Variants in EML6 observed in about 807,000 individuals in gnomAD.
EML6 encodes EMAP like 6.
EML6 carries 154 observed loss-of-function variants against 240.1 expected under a neutral mutation model. The ratio of observed to expected loss-of-function variants is 0.64; its 90% CI spans 0.56 to 0.73. EML6 has a LOEUF of 0.73. EML6 is among the 30% of genes least tolerant of loss of function. The probability of loss-of-function intolerance (pLI) is 0.00; values close to 1 mark genes in which losing one functional copy is unlikely to be tolerated. For synonymous variants in EML6, 1,148 were observed against 899.0 expected, an observed-to-expected ratio of 1.28 and a Z score of -4.95; for missense variants, 2,964 against 2,474.6, an observed-to-expected ratio of 1.20 and a Z score of -4.20.
intron 5 of EML6, among the ~76,000 whole-genome samples, chr2:54,826,787 A>T (rs995461508): frequency 2.6e-5 from 4 of 152,230 alleles, no homozygotes; most frequent in Non-Finnish European, 4.4e-5. Context: ...AATATAACTC[A>T]TATTTATGAA....
intron 17 of EML6, among the ~76,000 whole-genome samples, chr2:54,885,060 G>C (rs949943778): frequency 6.6e-6 from 1 of 152,150 alleles, no homozygotes; most frequent in African/African-American, 2.4e-5. Context: ...GGGAGGCTGA[G>C]GCATGAGACT....
At chr2:54,791,989 T>G (rs1669481464) in intron 2 of EML6, among the ~76,000 whole-genome samples, 2 of 152,242 alleles carry the variant, frequency 1.3e-5, no homozygotes, top group South Asian at 4.1e-4. Context: ...TTGTAGTGTT[T>G]ATTACAGCAA....
intron 35 of EML6, among the ~76,000 whole-genome samples, chr2:54,961,948 G>A (rs1573223889): frequency 6.6e-6 from 1 of 151,708 alleles, no homozygotes; most frequent in African/African-American, 2.4e-5. Context: ...AGGTTGCAGT[G>A]AGCCAAGATG....
In EML6 at chr2:54,793,552, C is replaced by T. The variant is rs969268754; in HGVS notation, c.198-19680C>T. On this transcript the variant is annotated intron_variant, in intron 2 of 41. Transcript: ENST00000356458. Reference sequence around the variant, plus strand: ...CTAAATCCTGTCGAACTTCCTCACACGCCCGCAACATAGGCAATTGTTTCA... The same window carrying T: ...CTAAATCCTGTCGAACTTCCTCACATGCCCGCAACATAGGCAATTGTTTCA... Among the ~76,000 whole-genome samples, 5 of 152,144 alleles carry T rather than the reference C, an allele frequency of 3.3e-5. No individual in the cohort carries two copies. The East Asian group carries it at 5.8e-4, about 18-fold the overall frequency.
chr2:54,921,892 G>A (rs139749068), intron 26 of EML6, among the ~76,000 whole-genome samples: 102 of 152,142 alleles, frequency 6.7e-4, no homozygotes, highest in Non-Finnish European at 1.2e-3. Flanking sequence ...GAATGAATTT[G>A]GACTTTATCT....
chr2:54,849,325 A>G (rs937777494), intron 9 of EML6, among the ~76,000 whole-genome samples: 2 of 152,220 alleles, frequency 1.3e-5, no homozygotes, highest in Admixed American at 6.5e-5. Context: ...ATTATAACCT[A>G]TAGTTACTCC....
intron 26 of EML6, among the ~76,000 whole-genome samples, chr2:54,925,479 C>T (rs957594244): frequency 3.3e-5 from 5 of 152,172 alleles, no homozygotes; most frequent in Admixed American, 2.0e-4. Context: ...GCTCTGTGTC[C>T]AAAATTCAAG....
chr2:54,820,937 G>A (rs151181518), intron 5 of EML6, among the ~76,000 whole-genome samples: 72 of 152,100 alleles, frequency 4.7e-4, no homozygotes, highest in African/African-American at 1.6e-3. Context: ...GTTTTTAAAC[G>A]CCCCAATCTT....
At chr2:54,754,680 C>T (rs1684324133) in intron 2 of EML6, among the ~76,000 whole-genome samples, 1 of 152,066 alleles carries the variant, frequency 6.6e-6, no homozygotes, top group Admixed American at 6.6e-5. Flanking sequence ...TAGTGAAGTC[C>T]AATTTATCAA....
At position 54,967,366 on chromosome 2, in the gene EML6, A is replaced by T. The variant is rs149562195; in HGVS notation, c.5597+263A>T. The stretch of plus-strand genomic sequence containing the variant: ...TCCAACCCCTTCCAGCAAGTTCAAC[A>T]GGAAACCATCTCCCGTCTCTTGGCC... On this transcript the variant is annotated intron_variant, in intron 39 of 41. Coordinates refer to ENST00000356458, the MANE Select transcript of EML6 (RefSeq NM_001039753.4). 23 of 241,542 alleles carry T rather than the reference A, an allele frequency of 9.5e-5. No homozygotes were observed. The East Asian group carries it at 2.0e-3, about 21-fold the overall frequency. 15.0% of individuals were successfully genotyped at this position (241,542 alleles called of 1,614,324 possible).
At chr2:54,968,918 G>T (rs1676871063) in intron 41 of EML6, 150 bp downstream of exon 41, 1 of 588,670 alleles carries the variant, frequency 1.7e-6, no homozygotes, top group Non-Finnish European at 3.1e-6. Flanking sequence ...TCCTCATGAA[G>T]GCAAGTACTT....
intron 28 of EML6, among the ~76,000 whole-genome samples, chr2:54,931,015 T>C (rs1573167804): frequency 2.1e-5 from 3 of 139,942 alleles, no homozygotes; most frequent in African/African-American, 8.2e-5. Flanking sequence ...TGGAGTGCAG[T>C]GGCGCGATCT....
chr2:54,926,135 A>G (rs1162302420), intron 26 of EML6, among the ~76,000 whole-genome samples: 1 of 152,166 alleles, frequency 6.6e-6, no homozygotes, highest in Non-Finnish European at 1.5e-5. Flanking sequence ...ATGGAGTCTC[A>G]CTGTTGCCAA....
intron 2 of EML6, among the ~76,000 whole-genome samples, chr2:54,796,179 C>G (rs1256898583): frequency 6.6e-6 from 1 of 152,190 alleles, no homozygotes; most frequent in Non-Finnish European, 1.5e-5. Flanking sequence ...TCATATCTAT[C>G]TATGACATCT....
At chr2:54,916,722 T>A (rs1414301589) in intron 25 of EML6, 37 bp from the exon 26 acceptor site, 1 of 1,450,156 alleles carries the variant, frequency 6.9e-7, no homozygotes, top group African/African-American at 1.4e-5. Flanking sequence ...ACAAACTAGG[T>A]TGTGCAAAAA....
chr2:54,795,479 A>G (rs376729137), intron 2 of EML6, among the ~76,000 whole-genome samples: 3 of 152,180 alleles, frequency 2.0e-5, no homozygotes, highest in Admixed American at 6.5e-5. Context: ...CACAGAGCCA[A>G]TATCAGTGAG....
intron 4 of EML6, among the ~76,000 whole-genome samples, chr2:54,818,686 A>G (rs532480321): frequency 6.6e-6 from 1 of 152,324 alleles, no homozygotes; most frequent in Non-Finnish European, 1.5e-5. Context: ...GTGACTGTGC[A>G]TGTGCTATTG....
chr2:54,893,587 C>G (rs1220421158), intron 19 of EML6, among the ~76,000 whole-genome samples: 1 of 152,178 alleles, frequency 6.6e-6, no homozygotes, highest in Non-Finnish European at 1.5e-5. Flanking sequence ...TAAACCATAG[C>G]ACCTTCAGTG....
At chr2:54,855,385 G>A (rs1670317668) in intron 11 of EML6, among the ~76,000 whole-genome samples, 2 of 151,970 alleles carry the variant, frequency 1.3e-5, no homozygotes, top group Non-Finnish European at 1.5e-5. Context: ...TTCACTTTTA[G>A]GACAGCACCA....
Sources: gnomAD v4.1 joint callset for allele counts (sites outside exome capture counted in the v4.1 genomes callset) on GRCh38, gnomAD v4.1.1 for gene constraint, MANE v1.5 for transcripts, NCBI Gene and HGNC (gene_info 2026-07-23, HGNC 2026-07-21) for gene names.